Variants in NME9 observed in about 807,000 individuals in gnomAD.
NME9 encodes NME/NM23 family member 9.
In NME9, 48 loss-of-function variants were observed where a neutral mutation model predicts 44.4. The observed-to-expected ratio is 1.08, with a 90% CI of 0.86 to 1.37. NME9 has a LOEUF of 1.37. NME9 is among the 40% of genes most tolerant of loss of function. The pLI, the probability that NME9 is intolerant of heterozygous loss-of-function variation, is 0.00. For missense variants in NME9, 325 were observed against 405.2 expected (o/e 0.80, Z 1.70); for synonymous variants, 139 against 147.1 (o/e 0.94, Z 0.40).
chr3:138,270,098 CTGCTTTACGAG>C, intron 8 of NME9: 1 of 1,613,446 alleles, frequency 6.2e-7, no homozygotes. Context: ...AGTGAAAATC[CTGCTTTACGAG>C]TGAATGGAAT....
Position 138,324,948 on chromosome 3 carries a change from C to A in NME9, c.34-18G>T, listed in dbSNP as rs2053686828. 1.2e-6 allele frequency: 2 copies of A among 1,608,972 alleles called. No homozygotes were observed. Among genetic ancestry groups the A allele is most frequent in the South Asian group, 1.1e-5 (1 of 90,926 alleles). Reference sequence around the variant, plus strand: ...ATGTTGACCTAAAGCCAAAGAGGATCAAATGCCGTATTACTGAGGGCTCAG... The same window carrying A: ...ATGTTGACCTAAAGCCAAAGAGGATAAAATGCCGTATTACTGAGGGCTCAG... On this transcript the variant is annotated intron_variant, in intron 1 of 10. Transcript: ENST00000333911.
intron 9 of NME9, 26 bp from the exon 10 acceptor site, chr3:138,303,669 G>T (rs755624934): frequency 2.2e-5 from 35 of 1,583,108 alleles, no homozygotes; most frequent in Non-Finnish European, 2.6e-5. Context: ...AAATGTAAAA[G>T]AAACAATTGT....
rs945700033 is a variant in NME9, at chr3:138,304,890, C to T, written c.774G>A (p.Arg258=). Residue 258 remains arginine, a synonymous_variant, in exon 9 of 11, where the codon AGG becomes AGA. Transcript: ENST00000333911. ...GACATCACCTTTCTGGCTGCTCCCT[C>T]CTGGCCACATTGGGGTCACGGGGGC... ...VMGPRDPNVA[R]REQPESLRAQ... The T allele has an allele frequency of 1.1e-5, 18 of 1,614,116 alleles. No individual in the cohort carries two copies. The highest frequency in any genetic ancestry group is 1.4e-5 in the Non-Finnish European group (16 of 1,179,972).
chr3:138,293,142 A>G (rs1288601037), intron 8 of NME9, among the ~76,000 whole-genome samples: 1 of 152,094 alleles, frequency 6.6e-6, no homozygotes, highest in Non-Finnish European at 1.5e-5. Context: ...TGAAGGGGAG[A>G]GGAACTTAAC....
chr3:138,295,847 T>G (rs746574934), intron 8 of NME9: 6 of 1,613,408 alleles, frequency 3.7e-6, no homozygotes, highest in Non-Finnish European at 5.1e-6. Context: ...AACAGGAATT[T>G]TGTGATTTCA....
chr3:138,274,472 T>A (rs746062975), intron 8 of NME9: 3 of 1,610,048 alleles, frequency 1.9e-6, no homozygotes, highest in Non-Finnish European at 2.5e-6. Context: ...TAATGAGTAC[T>A]CATGGAAAGC....
In NME9 at chr3:138,301,308, G is replaced by T; in HGVS notation, c.*332C>A. 2.9e-6 allele frequency: 1 copy of T among 342,728 alleles called. No individual in the cohort carries two copies. The highest frequency in any genetic ancestry group is 4.4e-6 in the Non-Finnish European group (1 of 225,368). 21.2% of individuals were successfully genotyped at this position (342,728 alleles called of 1,614,324 possible). Reference sequence around the variant, plus strand: ...CAACCTTCACCTCCCGGGTTCAAGCGATTCTCATGCCTAAGCCACCCGAGT... The same window carrying T: ...CAACCTTCACCTCCCGGGTTCAAGCTATTCTCATGCCTAAGCCACCCGAGT... On this transcript the variant is annotated 3_prime_UTR_variant, in exon 11 of 11. Transcript: ENST00000333911.
intron 8 of NME9, among the ~76,000 whole-genome samples, chr3:138,268,445 C>T (rs924929867): frequency 1.3e-5 from 2 of 152,222 alleles, no homozygotes; most frequent in East Asian, 1.9e-4. Context: ...GGTGTACCAC[C>T]GTTAATCATC....
intron 6 of NME9, among the ~76,000 whole-genome samples, chr3:138,311,946 G>A (rs932836337): frequency 2.0e-5 from 3 of 152,106 alleles, no homozygotes; most frequent in Non-Finnish European, 2.9e-5. Flanking sequence ...ACAAAAACCC[G>A]TAGCATATGT....
At chr3:138,274,109 G>A (rs1039359935) in intron 8 of NME9, among the ~76,000 whole-genome samples, 6 of 152,042 alleles carry the variant, frequency 3.9e-5, no homozygotes, top group Non-Finnish European at 8.8e-5. Flanking sequence ...TGAGCGTACC[G>A]TACTTGGCCT....
chr3:138,279,736 GT>G (rs2049689759), intron 8 of NME9, among the ~76,000 whole-genome samples: 1 of 152,088 alleles, frequency 6.6e-6, no homozygotes, highest in Admixed American at 6.5e-5. Context: ...GACTACTCAG[GT>G]TATCTGTTTC....
In NME9 at chr3:138,284,400, T is replaced by C. The variant is rs746105710; in HGVS notation, c.745+19107A>G. 3.2e-6 allele frequency: 5 copies of C among 1,561,208 alleles called. 1 individual carries two copies. The Admixed American group carries it at 8.4e-5, about 26-fold the overall frequency. On this transcript the variant is annotated intron_variant, in intron 8 of 8. Coordinates refer to the NME9 transcript ENST00000317876. ...GCTTGACTCTGGGACTTCAGAGCTT[T>C]CCTGACTGTTGGCCCTTTGTTCTTT...
At chr3:138,318,955 T>C (rs1338668467) in intron 3 of NME9, among the ~76,000 whole-genome samples, 2 of 152,132 alleles carry the variant, frequency 1.3e-5, no homozygotes, top group Non-Finnish European at 2.9e-5. Context: ...CCCAACACTT[T>C]GGGACGCTGT....
chr3:138,294,094 C>T (rs1249727076), intron 8 of NME9, among the ~76,000 whole-genome samples: 1 of 152,142 alleles, frequency 6.6e-6, no homozygotes, highest in Non-Finnish European at 1.5e-5. Context: ...ACCTAGCCAA[C>T]CTCTGAATAA....
At chr3:138,307,925 G>A (rs2052395957) in intron 6 of NME9, among the ~76,000 whole-genome samples, 1 of 152,230 alleles carries the variant, frequency 6.6e-6, no homozygotes, top group African/African-American at 2.4e-5. Flanking sequence ...CCACCAATGA[G>A]CACCATTTCA....
At chr3:138,270,594 A>G (rs1369648777) in intron 8 of NME9, among the ~76,000 whole-genome samples, 16 of 152,208 alleles carry the variant, frequency 1.1e-4, no homozygotes, top group Admixed American at 1.0e-3. Flanking sequence ...GTGTGTTTAT[A>G]AAGTACAACA....
chr3:138,281,731 A>G (rs974027442), intron 8 of NME9, among the ~76,000 whole-genome samples: 2 of 152,114 alleles, frequency 1.3e-5, no homozygotes, highest in Admixed American at 1.3e-4. Context: ...AACACTACAA[A>G]AAGGGGAATT....
At chr3:138,267,121 A>T (rs1287146097) in intron 8 of NME9, 8 of 1,113,780 alleles carry the variant, frequency 7.2e-6, no homozygotes, top group Non-Finnish European at 1.0e-5. Context: ...TCATCATTCC[A>T]AATCATTAGT....
intron 8 of NME9, among the ~76,000 whole-genome samples, chr3:138,294,648 G>C (rs1201202596): frequency 6.6e-6 from 1 of 152,144 alleles, no homozygotes; most frequent in South Asian, 2.1e-4. Flanking sequence ...GTATTAGTTT[G>C]ATCAGCTATT....
Sources: gnomAD v4.1 joint callset for allele counts (sites outside exome capture counted in the v4.1 genomes callset) on GRCh38, gnomAD v4.1.1 for gene constraint, MANE v1.5 for transcripts, NCBI Gene and HGNC (gene_info 2026-07-23, HGNC 2026-07-21) for gene names.